SEMA5A: variants seen among roughly 807,000 people sequenced by gnomAD.
The protein encoded by SEMA5A is semaphorin 5A.
Under a neutral mutation model 135.5 loss-of-function variants are expected in SEMA5A, and 55 were observed. That is an observed-to-expected ratio of 0.41 (90% confidence interval 0.33 to 0.51). The LOEUF (loss-of-function observed/expected upper bound fraction) is 0.51. Ranked by LOEUF, SEMA5A falls within the 20% of genes least tolerant of loss-of-function variation. The probability of loss-of-function intolerance (pLI) is 0.37; values close to 1 mark genes in which losing one functional copy is unlikely to be tolerated. For missense variants in SEMA5A, 1,290 were observed against 1,419.9 expected (o/e 0.91, Z 1.47); for synonymous variants, 580 against 546.5 (o/e 1.06, Z -0.85).
chr5:9,225,771 C>T (rs994658370), intron 7 of SEMA5A, among the ~76,000 whole-genome samples: 9 of 151,970 alleles, frequency 5.9e-5, no homozygotes, highest in African/African-American at 1.9e-4. Flanking sequence ...ATGAATCCAG[C>T]TTCCCAAATG....
At chr5:9,248,311 A>T (rs940486402) in intron 5 of SEMA5A, among the ~76,000 whole-genome samples, 3 of 152,272 alleles carry the variant, frequency 2.0e-5, no homozygotes, top group Admixed American at 6.5e-5. Context: ...CCTTCCATCT[A>T]TTTAAATCAT....
chr5:9,538,045 G>A (rs1050943013), intron 1 of SEMA5A, among the ~76,000 whole-genome samples: 4 of 152,178 alleles, frequency 2.6e-5, no homozygotes, highest in African/African-American at 4.8e-5. Flanking sequence ...AGGAGGCAGA[G>A]AGGATTTTAA....
In SEMA5A at chr5:9,063,085, G is replaced by T. The variant is rs1440019798; in HGVS notation, c.2320C>A (p.Arg774Ser). 3 of 1,613,516 alleles carry T rather than the reference G, an allele frequency of 1.9e-6. No homozygotes were observed. The highest frequency in any genetic ancestry group is 1.7e-5 in the Admixed American group (1 of 59,954). The change falls in exon 18 of 23, where the codon CGT (arginine) becomes AGT (serine). Residue 774 changes from arginine to serine, a missense_variant. Transcript: ENST00000382496. ...STDGLSGDFL[R>S]AGRYSAHTVN... is the part of the protein sequence containing the mutation. ...GTGTGGGCAGAGTATCTCCCAGCACGCAGGAAATCCCCAGAAAGCCCTGCC... is the reference window on the plus strand; with the variant it reads ...GTGTGGGCAGAGTATCTCCCAGCACTCAGGAAATCCCCAGAAAGCCCTGCC...
rs1310855595 is a variant in SEMA5A, at chr5:9,038,515, T to C, written c.*4382A>G. ...ATCTTGACAGTATTGGGGAAATATT[T>C]ATGATTTATTCTAAAAGCAAAAGGA... On this transcript the variant is annotated 3_prime_UTR_variant, in exon 23 of 23. Coordinates refer to ENST00000382496, the MANE Select transcript of SEMA5A (RefSeq NM_003966.3). 1 of 152,162 alleles carries C rather than the reference T, an allele frequency of 6.6e-6. No homozygotes were observed. The highest frequency in any genetic ancestry group is 1.9e-4 in the East Asian group (1 of 5,188). The allele number at this position is 152,162 out of a possible 1,614,324, so 9.4% of individuals were successfully genotyped here.
Position 9,038,260 on chromosome 5 carries a change from G to T in SEMA5A, c.*4637C>A, listed in dbSNP as rs966930214. ...AGAAATTGATTATTGGAGGTGTGGG[G>T]CTTAAGCACAGCCCTGCCATGTGGA... is the stretch of plus-strand genomic sequence containing the variant. On this transcript the variant is annotated 3_prime_UTR_variant, in exon 23 of 23. Transcript: ENST00000382496. 8.5e-5 allele frequency: 13 copies of T among 152,174 alleles called. No homozygotes were observed. Among genetic ancestry groups the T allele is most frequent in the African/African-American group, 2.9e-4 (12 of 41,446 alleles). The allele number at this position is 152,174 out of a possible 1,614,324, so 9.4% of individuals were successfully genotyped here.
At chr5:9,249,405 C>T (rs1485789348) in intron 5 of SEMA5A, among the ~76,000 whole-genome samples, 2 of 152,200 alleles carry the variant, frequency 1.3e-5, no homozygotes, top group Admixed American at 6.6e-5. Context: ...TTACTTACCT[C>T]TCCCACACAC....
chr5:9,515,695 G>A (rs1025127060), intron 1 of SEMA5A, among the ~76,000 whole-genome samples: 1 of 152,218 alleles, frequency 6.6e-6, no homozygotes, highest in African/African-American at 2.4e-5. Context: ...TCAGGAAGGT[G>A]CTGCTACATG....
intron 1 of SEMA5A, among the ~76,000 whole-genome samples, chr5:9,502,230 T>G (rs532586614): frequency 6.6e-6 from 1 of 152,218 alleles, no homozygotes; most frequent in African/African-American, 2.4e-5. Context: ...GTAGGGTTTA[T>G]TTCTCTGTAG....
chr5:9,225,263 T>C (rs1021479427), intron 7 of SEMA5A, among the ~76,000 whole-genome samples: 1 of 151,836 alleles, frequency 6.6e-6, no homozygotes, highest in South Asian at 2.1e-4. Context: ...TAAAGAATTA[T>C]GTATAATTGC....
At chr5:9,109,898 T>C (rs962168005) in intron 15 of SEMA5A, among the ~76,000 whole-genome samples, 15 of 152,068 alleles carry the variant, frequency 9.9e-5, no homozygotes, top group African/African-American at 3.6e-4. Flanking sequence ...AAAAGAAACT[T>C]GGAGAGTGTA....
chr5:9,250,969 T>C (rs1048377552), intron 5 of SEMA5A, among the ~76,000 whole-genome samples: 8 of 152,164 alleles, frequency 5.3e-5, no homozygotes, highest in African/African-American at 1.9e-4. Flanking sequence ...AAAATTTATG[T>C]TGAAATTTAA....
chr5:9,364,645 C>T (rs964569743), intron 3 of SEMA5A, among the ~76,000 whole-genome samples: 2 of 152,152 alleles, frequency 1.3e-5, no homozygotes, highest in African/African-American at 4.8e-5. Context: ...TGTGCACCAG[C>T]TTTCATAATT....
intron 2 of SEMA5A, among the ~76,000 whole-genome samples, chr5:9,388,898 C>A (rs149952957): frequency 4.2e-4 from 57 of 136,574 alleles, no homozygotes; most frequent in Non-Finnish European, 4.3e-4. Flanking sequence ...GACTCCGTCT[C>A]AAAAAAAAAA....
chr5:9,419,309 A>G (rs1757384932), intron 2 of SEMA5A, among the ~76,000 whole-genome samples: 2 of 152,192 alleles, frequency 1.3e-5, no homozygotes, highest in African/African-American at 2.4e-5. Flanking sequence ...CTTAGAAGAC[A>G]GTCTGTGTGC....
At chr5:9,410,541 G>GA (rs1385532062) in intron 2 of SEMA5A, among the ~76,000 whole-genome samples, 1 of 152,094 alleles carries the variant, frequency 6.6e-6, no homozygotes, top group African/African-American at 2.4e-5. Context: ...TTCAGGTAAA[G>GA]AAAAAATACA....
chr5:9,122,075 TA>T (rs1267820704), intron 14 of SEMA5A, among the ~76,000 whole-genome samples: 19 of 152,218 alleles, frequency 1.2e-4, no homozygotes. Context: ...CATGGTGTTA[TA>T]GGTGCAGGGG....
chr5:9,427,321 A>T (rs1307694884), intron 2 of SEMA5A, among the ~76,000 whole-genome samples: 1 of 152,122 alleles, frequency 6.6e-6, no homozygotes, highest in Non-Finnish European at 1.5e-5. Flanking sequence ...GGGGGGAAAA[A>T]GATGAAATCA....
chr5:9,245,699 T>C (rs1391265206), intron 5 of SEMA5A, among the ~76,000 whole-genome samples: 1 of 152,220 alleles, frequency 6.6e-6, no homozygotes, highest in Non-Finnish European at 1.5e-5. Flanking sequence ...GATTCTAAAG[T>C]CTTAAAATTC....
Position 9,118,464 on chromosome 5 carries a change from C to T in SEMA5A, c.1925+534G>A, listed in dbSNP as rs1473711499. ...AAATGTTGCCATGATGTGCTGAAAGCTCAAAATACACGTGGAAAAGAGCCC... is the reference window on the plus strand; with the variant it reads ...AAATGTTGCCATGATGTGCTGAAAGTTCAAAATACACGTGGAAAAGAGCCC... On this transcript the variant is annotated intron_variant, in intron 15 of 22. Transcript: ENST00000382496. 2.6e-5 allele frequency among the ~76,000 whole-genome samples: 4 copies of T among 152,270 alleles called. No homozygotes were observed. The East Asian group carries it at 7.7e-4, about 29-fold the overall frequency.
Sources: gnomAD v4.1 joint callset for allele counts (sites outside exome capture counted in the v4.1 genomes callset) on GRCh38, gnomAD v4.1.1 for gene constraint, MANE v1.5 for transcripts, NCBI Gene and HGNC (gene_info 2026-07-23, HGNC 2026-07-21) for gene names.